GPHN: variants seen among roughly 807,000 people sequenced by gnomAD.
The protein encoded by GPHN is gephyrin.
Under a neutral mutation model 95.5 loss-of-function variants are expected in GPHN, and 17 were observed. That is an observed-to-expected ratio of 0.18 (90% CI 0.12 to 0.27). GPHN has a LOEUF of 0.27. Among genes scored for constraint, GPHN ranks in the 10% least tolerant of loss-of-function variants. The pLI is 1.00. For missense variants in GPHN, 660 were observed against 978.1 expected (o/e 0.67, Z 4.34); for synonymous variants, 320 against 322.5 (o/e 0.99, Z 0.08).
At chr14:67,669,287 T>C in the GPHN span, among the ~76,000 whole-genome samples, 2 of 141,356 alleles carry the variant, frequency 1.4e-5, no homozygotes, top group Non-Finnish European at 3.0e-5. Context: ...TTTTTTTTTT[T>C]GAGACGGAGT....
chr14:66,944,617 A>C (rs2067632051), intron 8 of GPHN, among the ~76,000 whole-genome samples: 1 of 152,258 alleles, frequency 6.6e-6, no homozygotes, highest in South Asian at 2.1e-4. Flanking sequence ...CCCTCACTTA[A>C]AAATAAATTC....
intron 1 of GPHN, among the ~76,000 whole-genome samples, chr14:66,616,000 G>A (rs961935795): frequency 6.6e-6 from 1 of 151,826 alleles, no homozygotes; most frequent in Non-Finnish European, 1.5e-5. Context: ...GCTTGTTTTT[G>A]TCAGGTTTGT....
chr14:66,855,842 T>A (rs1050690002), intron 4 of GPHN, among the ~76,000 whole-genome samples: 3 of 152,152 alleles, frequency 2.0e-5, no homozygotes, highest in African/African-American at 7.2e-5. Flanking sequence ...TATGAATACA[T>A]GGAATTTAAA....
At chr14:66,603,997 G>T (rs2062388993) in intron 1 of GPHN, among the ~76,000 whole-genome samples, 1 of 151,998 alleles carries the variant, frequency 6.6e-6, no homozygotes, top group South Asian at 2.1e-4. Flanking sequence ...CTTAATTTAG[G>T]TCTTGGGGAA....
At chr14:67,083,586 T>C (rs766001058) in intron 11 of GPHN, among the ~76,000 whole-genome samples, 1 of 152,190 alleles carries the variant, frequency 6.6e-6, no homozygotes, top group Non-Finnish European at 1.5e-5. Flanking sequence ...AACAGACTAA[T>C]ACACTGATAT....
chr14:67,496,790 C>CTTTG, the GPHN span, among the ~76,000 whole-genome samples: 1 of 59,444 alleles, frequency 1.7e-5, no homozygotes, highest in Non-Finnish European at 4.0e-5. Context: ...TCATTTCTGT[C>CTTTG]TTTCTTTCTT....
the GPHN span, among the ~76,000 whole-genome samples, chr14:67,461,659 A>G: frequency 2.0e-5 from 3 of 152,170 alleles, no homozygotes; most frequent in East Asian, 1.9e-4. Flanking sequence ...GAAAAAAAAA[A>G]AACTAGAAAC....
At chr14:67,208,053 C>T in the GPHN span, 1 of 1,201,276 alleles carries the variant, frequency 8.3e-7, no homozygotes, top group South Asian at 1.6e-5. Context: ...ATGGTCGTGC[C>T]ATTCTAAGCC....
intron 1 of GPHN, among the ~76,000 whole-genome samples, chr14:66,610,967 G>A (rs967364211): frequency 6.6e-6 from 1 of 152,118 alleles, no homozygotes; most frequent in African/African-American, 2.4e-5. Context: ...AGTTATCAAT[G>A]TTTTTGCTGT....
At chr14:66,823,989 C>G (rs937731479) in intron 3 of GPHN, among the ~76,000 whole-genome samples, 5 of 152,036 alleles carry the variant, frequency 3.3e-5, no homozygotes, top group South Asian at 4.2e-4. Flanking sequence ...GATGGAGATC[C>G]TAGTTTCACT....
At chr14:67,190,309 C>T in the GPHN span, among the ~76,000 whole-genome samples, 3 of 151,186 alleles carry the variant, frequency 2.0e-5, no homozygotes, top group Non-Finnish European at 4.4e-5. Flanking sequence ...CTGCAACCTC[C>T]ACCTCCCAGG....
At chr14:67,428,849 G>C in the GPHN span, among the ~76,000 whole-genome samples, 2 of 152,308 alleles carry the variant, frequency 1.3e-5, no homozygotes, top group Admixed American at 1.3e-4. Flanking sequence ...GGGCCTGCTG[G>C]AGAGAGAAGC....
the GPHN span, chr14:67,352,963 A>G: frequency 6.2e-7 from 1 of 1,613,732 alleles, no homozygotes; most frequent in South Asian, 1.1e-5. Flanking sequence ...TCGAAGAGTT[A>G]AGGCATCAGA....
At chr14:67,618,255 C>T in the GPHN span, among the ~76,000 whole-genome samples, 5 of 152,166 alleles carry the variant, frequency 3.3e-5, no homozygotes, top group African/African-American at 7.2e-5. Flanking sequence ...GTTACCGGTG[C>T]CCTACCCCTA....
At chr14:67,193,954 C>CAAAAAAAAAACAA in the GPHN span, among the ~76,000 whole-genome samples, 36 of 85,748 alleles carry the variant, frequency 4.2e-4, no homozygotes, top group East Asian at 1.3e-3. Flanking sequence ...CAAAAAAAAA[C>CAAAAAAAAAACAA]AAAAAAAAAA....
chr14:67,485,686 G>A, the GPHN span, among the ~76,000 whole-genome samples: 1 of 152,224 alleles, frequency 6.6e-6, no homozygotes, highest in African/African-American at 2.4e-5. Flanking sequence ...AGGCCTCTGG[G>A]GGTTGGGAAA....
intron 1 of GPHN, among the ~76,000 whole-genome samples, chr14:66,560,256 G>GT (rs1319180319): frequency 1.3e-5 from 2 of 152,248 alleles, no homozygotes; most frequent in Middle Eastern, 6.8e-3. Flanking sequence ...CTTTAAAGTA[G>GT]TTTTTTCCAA....
At chr14:67,296,706 A>AACTTATATG in the GPHN span, among the ~76,000 whole-genome samples, 170 of 152,252 alleles carry the variant, frequency 1.1e-3, no homozygotes, top group South Asian at 2.1e-3. Flanking sequence ...TAAAAGAATT[A>AACTTATATG]ACTTATATGA....
intron 2 of GPHN, among the ~76,000 whole-genome samples, chr14:66,764,883 C>G (rs2058904227): frequency 6.6e-6 from 1 of 151,768 alleles, no homozygotes; most frequent in African/African-American, 2.4e-5. Context: ...TTCTTTTGCC[C>G]TCCTGTGAGG....
Sources: gnomAD v4.1 joint callset for allele counts (sites outside exome capture counted in the v4.1 genomes callset) on GRCh38, gnomAD v4.1.1 for gene constraint, MANE v1.5 for transcripts, NCBI Gene and HGNC (gene_info 2026-07-23, HGNC 2026-07-21) for gene names.